The following TPR variants were observed in gnomAD, a reference collection of about 807,000 sequenced individuals.
TPR encodes nucleoprotein TPR.
Under a neutral mutation model 316.1 loss-of-function variants are expected in TPR, and 51 were observed. The observed-to-expected ratio is 0.16, with a 90% CI of 0.13 to 0.20. TPR has a LOEUF of 0.20. Among genes scored for constraint, TPR ranks in the 10% least tolerant of loss-of-function variants. TPR has a pLI of 1.00. For missense variants in TPR, 2,272 were observed against 2,754.8 expected (o/e 0.82, Z 3.92); for synonymous variants, 981 against 914.7 (o/e 1.07, Z -1.31).
Position 186,312,444 on chromosome 1 carries a change from C to A in TPR, c.*1527G>T. 2.2e-6 allele frequency: 3 copies of A among 1,362,076 alleles called. No individual in the cohort carries two copies. The highest frequency in any genetic ancestry group is 3.0e-6 in the Non-Finnish European group (3 of 990,512). The allele number at this position is 1,362,076 out of a possible 1,614,324, so 84.4% of individuals were successfully genotyped here. ...TAATACAGTTTCTTATACAGTAAGG[C>A]TTATGAAATATGGATACTGATCAAA... On this transcript the variant is annotated 3_prime_UTR_variant, in exon 51 of 51. Coordinates refer to ENST00000367478, the MANE Select transcript of TPR (RefSeq NM_003292.3).
intron 12 of TPR, among the ~76,000 whole-genome samples, chr1:186,359,385 T>C (rs2101982815): frequency 6.6e-6 from 1 of 152,224 alleles, no homozygotes; most frequent in South Asian, 2.1e-4. Context: ...AAAGGAGTTC[T>C]ACCTATGGTC....
intron 4 of TPR, among the ~76,000 whole-genome samples, chr1:186,367,419 A>T (rs1659384229): frequency 6.6e-6 from 1 of 152,188 alleles, no homozygotes; most frequent in South Asian, 2.1e-4. Flanking sequence ...ACCTGACTAC[A>T]TCAGCTGTAT....
At chr1:186,317,225 T>A (rs769458260) in intron 49 of TPR, among the ~76,000 whole-genome samples, 1 of 152,190 alleles carries the variant, frequency 6.6e-6, no homozygotes, top group Non-Finnish European at 1.5e-5. Flanking sequence ...CAACCAATAG[T>A]CTAGATGAAA....
rs530057705 is a variant in TPR at position 186,322,548 on chromosome 1, G to A, written c.6336C>T (p.Gly2112=). 2.5e-6 allele frequency: 4 copies of A among 1,614,042 alleles called. No homozygotes were observed. Among genetic ancestry groups the A allele is most frequent in the Admixed American group, 1.7e-5 (1 of 60,006 alleles). ...QMTRRQSVGR[G]LQLTPGIGGM... is the part of the protein sequence containing the mutation. ...CACCTATTCCTGGAGTCAACTGAAG[G>A]CCACGTCCTACAGACTGCCTTCGGG... The change falls in exon 44 of 51, where the codon GGC becomes GGT. Residue 2112 remains glycine (G), a synonymous_variant. Coordinates refer to ENST00000367478, the MANE Select transcript of TPR (RefSeq NM_003292.3).
In TPR at chr1:186,327,053, C is replaced by T. The variant is rs1274985476; in HGVS notation, c.5889+407G>A. Among the ~76,000 whole-genome samples, 30 of 9,464 alleles carry T rather than the reference C, an allele frequency of 3.2e-3. 2 individuals carry two copies. The highest frequency in any genetic ancestry group is 9.7e-3 in the South Asian group (4 of 412). The allele number at this position is 9,464 out of a possible 152,430, so 6.2% of individuals were successfully genotyped here. ...TATATAAATATATATAAATATATAACATATATATTATATATAAATATATAT... is the reference window on the plus strand; with the variant it reads ...TATATAAATATATATAAATATATAATATATATATTATATATAAATATATAT... On this transcript the variant is annotated intron_variant, in intron 40 of 50. Transcript: ENST00000367478.
chr1:186,370,982 A>G lies in TPR; in HGVS notation c.318T>C (p.Asn106=), dbSNP rs1245737335. ...AAATATCTCTTACCTGAATGGCAAT[A>G]TTGCGATCCTGAGCAATTTCAAGTT... is the stretch of plus-strand genomic sequence containing the variant. ...NKELEIAQDR[N]IAIQSQFTRT... Residue 106 remains asparagine (N), a synonymous_variant, in exon 3 of 51, where the codon AAT becomes AAC. Transcript: ENST00000367478. The G allele has an allele frequency of 6.2e-7, 1 of 1,612,660 alleles. No homozygotes were observed. The highest frequency in any genetic ancestry group is 2.2e-5 in the East Asian group (1 of 44,746).
Position 186,343,901 on chromosome 1 carries a change from T to C in TPR, c.3602+5A>G. 6.2e-7 allele frequency: 1 copy of C among 1,611,532 alleles called. No homozygotes were observed. Among genetic ancestry groups the C allele is most frequent in the Non-Finnish European group, 8.5e-7 (1 of 1,178,284 alleles). On this transcript the variant is annotated splice_donor_5th_base_variant and intron_variant, in intron 26 of 50. Transcript: ENST00000367478. ...CAGAAATGAAGCAGTAAGAACATGA[T>C]TTACCTGAGAATTTCCAAAATTTGT...
At chr1:186,326,333 A>T (rs1398517114) in intron 40 of TPR, 98 bp from the exon 41 acceptor site, 11 of 1,507,088 alleles carry the variant, frequency 7.3e-6, no homozygotes. Flanking sequence ...GTGACTCATT[A>T]ATCAGAAGAT....
rs1474081661 is a variant in TPR at position 186,313,528 on chromosome 1, TTTTC to T, written c.*439_*442del. 3.4e-6 allele frequency: 2 copies of T among 581,440 alleles called. No homozygotes were observed. Among genetic ancestry groups the T allele is most frequent in the South Asian group, 2.2e-5 (1 of 44,520 alleles). The allele number at this position is 581,440 out of a possible 1,614,324, so 36.0% of individuals were successfully genotyped here. A position where few individuals can be genotyped will look rare whatever the true frequency, so the allele number is the denominator to read the frequency against. On this transcript the variant is annotated 3_prime_UTR_variant, in exon 51 of 51. Coordinates refer to ENST00000367478, the MANE Select transcript of TPR (RefSeq NM_003292.3). ...AAAGCTGAAAAGTCTAGGCAATTGT[TTTTC>T]TTTTTGTTATAAAGTTCAAATTAAT... is the stretch of plus-strand genomic sequence containing the variant.
chr1:186,349,489 TAA>T (rs551272495), intron 21 of TPR, among the ~76,000 whole-genome samples: 1 of 143,052 alleles, frequency 7.0e-6, no homozygotes. Context: ...CCATCTCTAC[TAA>T]AAAAAAAAAA....
rs561732811 is a variant in TPR at position 186,325,943 on chromosome 1, C to T, written c.6022-89G>A. The T allele has an allele frequency of 9.6e-6, 15 of 1,558,382 alleles. No individual in the cohort carries two copies. In the South Asian group the frequency reaches 1.1e-4, roughly 11 times the overall value. ...AATAATTAACCAAACCAAACCACAA[C>T]AAAAACAAATAAGTAACCATAACAA... On this transcript the variant is annotated intron_variant, in intron 41 of 50. Coordinates refer to ENST00000367478, the MANE Select transcript of TPR (RefSeq NM_003292.3).
At chr1:186,367,231 A>G (rs112738913) in intron 4 of TPR, among the ~76,000 whole-genome samples, 28,992 of 151,630 alleles carry the variant, frequency 0.19, 3,192 homozygotes, top group African/African-American at 0.3. Context: ...ATGACTGGCT[A>G]ATTTCTGTTA....
At chr1:186,350,194 A>C in intron 21 of TPR, 29 bp downstream of exon 21, 1 of 1,561,140 alleles carries the variant, frequency 6.4e-7, no homozygotes, top group Non-Finnish European at 8.7e-7. Flanking sequence ...GTTTATTTAC[A>C]ATTATATTGG....
At position 186,332,045 on chromosome 1, in the gene TPR, T is replaced by C. The variant is rs1034547832; in HGVS notation, c.5604+150A>G. Reference sequence around the variant, plus strand: ...ACTGTTGGTAATAATACCTGGGTTGTCAGTGGAATCTTTGTAGAAAGTTCA... The same window carrying C: ...ACTGTTGGTAATAATACCTGGGTTGCCAGTGGAATCTTTGTAGAAAGTTCA... On this transcript the variant is annotated intron_variant, in intron 38 of 50. Coordinates refer to ENST00000367478, the MANE Select transcript of TPR (RefSeq NM_003292.3). 9.8e-6 allele frequency: 7 copies of C among 711,858 alleles called. No homozygotes were observed. In the Admixed American group the frequency reaches 2.6e-4, roughly 26 times the overall value. 44.1% of individuals were successfully genotyped at this position (711,858 alleles called of 1,614,324 possible). A position where few individuals can be genotyped will look rare whatever the true frequency, so the allele number is the denominator to read the frequency against.
chr1:186,343,102 A>G (rs1658558077), intron 27 of TPR: 2 of 418,016 alleles, frequency 4.8e-6, no homozygotes, highest in South Asian at 7.4e-5. Context: ...CCAAGGCCAC[A>G]GCTAATGGTA....
chr1:186,362,466 C>CT, intron 6 of TPR, 86 bp from the exon 7 acceptor site: 1 of 990,204 alleles, frequency 1.0e-6, no homozygotes, highest in South Asian at 1.5e-5. Flanking sequence ...TAAGGAAAAG[C>CT]TAAGTAACTC....
At position 186,375,017 on chromosome 1, in the gene TPR, C is replaced by T. The variant is rs1295833469; in HGVS notation, c.12G>A (p.Val4=). 1.9e-6 allele frequency: 3 copies of T among 1,613,880 alleles called. No individual in the cohort carries two copies. The East Asian group carries it at 6.7e-5, about 36-fold the overall frequency. ...CCGTGCGCTCCAGGACTTGCTGCAA[C>T]ACCGCCGCCATGTCGGTGGGGCCAG... MAA[V]LQQVLERTEL... Residue 4 remains valine (V), a synonymous_variant, in exon 1 of 51, where the codon GTG becomes GTA. Coordinates refer to ENST00000367478, the MANE Select transcript of TPR (RefSeq NM_003292.3).
chr1:186,374,868 T>TTG lies in TPR; in HGVS notation c.151+9_151+10insCA. 1 of 1,587,972 alleles carries TTG rather than the reference T, an allele frequency of 6.3e-7. No homozygotes were observed. The highest frequency in any genetic ancestry group is 8.6e-7 in the Non-Finnish European group (1 of 1,159,950). ...CCCAAAACCAAGGACGGAAAGAGCA[T>TTG]CTCACTTACCGCTCTCCACCTTAAA... On this transcript the variant is annotated intron_variant, in intron 1 of 50. Coordinates refer to ENST00000367478, the MANE Select transcript of TPR (RefSeq NM_003292.3).
chr1:186,334,702 T>A (rs1422713363), intron 35 of TPR, among the ~76,000 whole-genome samples, 169 bp from the exon 36 acceptor site: 2 of 152,102 alleles, frequency 1.3e-5, no homozygotes, highest in Non-Finnish European at 2.9e-5. Flanking sequence ...TGCTCCAGAG[T>A]GGTGCATCCT....
Sources: gnomAD v4.1 joint callset for allele counts (sites outside exome capture counted in the v4.1 genomes callset) on GRCh38, gnomAD v4.1.1 for gene constraint, MANE v1.5 for transcripts, NCBI Gene and HGNC (gene_info 2026-07-23, HGNC 2026-07-21) for gene names.